The following LRRC28 variants were observed in gnomAD, a reference collection of about 807,000 sequenced individuals.
The protein encoded by LRRC28 is leucine-rich repeat-containing protein 28.
LRRC28 carries 39 observed loss-of-function variants against 45.7 expected under a neutral mutation model. The observed-to-expected ratio is 0.85, with a 90% CI of 0.66 to 1.12. The LOEUF (loss-of-function observed/expected upper bound fraction) is 1.12. LRRC28 is among the 50% of genes most tolerant of loss of function. LRRC28 has a pLI of 0.00. For missense variants in LRRC28, 435 were observed against 438.5 expected (o/e 0.99, Z 0.07); for synonymous variants, 206 against 178.8 (o/e 1.15, Z -1.22).
At chr15:99,311,065 A>G (rs946380408) in intron 5 of LRRC28, among the ~76,000 whole-genome samples, 3 of 152,174 alleles carry the variant, frequency 2.0e-5, no homozygotes, top group Non-Finnish European at 2.9e-5. Flanking sequence ...GTCTGCACAC[A>G]TGCCATTTCA....
intron 9 of LRRC28, among the ~76,000 whole-genome samples, chr15:99,382,977 G>A (rs116558301): frequency 1.4e-3 from 207 of 151,898 alleles, no homozygotes; most frequent in African/African-American, 4.1e-3. Flanking sequence ...GATAATTCAC[G>A]TATCATACAA....
At chr15:99,340,385 G>C (rs899974091) in intron 6 of LRRC28, among the ~76,000 whole-genome samples, 2 of 152,188 alleles carry the variant, frequency 1.3e-5, no homozygotes, top group Non-Finnish European at 2.9e-5. Flanking sequence ...ATTGCCTCTT[G>C]TTCCTACTTT....
rs561950078 is a variant in LRRC28 at position 99,378,697 on chromosome 15, A to G, written c.1032-7333A>G. ...GGGTTTGTCATAAATAGCTCTTATT[A>G]TTTTGAGATACATCCCATCAATACC... On this transcript the variant is annotated intron_variant, in intron 9 of 9. Coordinates refer to ENST00000301981, the MANE Select transcript of LRRC28 (RefSeq NM_144598.5). Among the ~76,000 whole-genome samples the G allele has an allele frequency of 9.6e-4, 146 of 152,232 alleles. 2 individuals carry two copies. The highest frequency in any genetic ancestry group is 3.5e-3 in the African/African-American group (144 of 41,544).
chr15:99,304,967 A>G (rs575491547), intron 5 of LRRC28, among the ~76,000 whole-genome samples: 63 of 152,232 alleles, frequency 4.1e-4, no homozygotes, highest in Admixed American at 9.8e-4. Context: ...CCTCTTTTCA[A>G]CAATATAGGG....
Position 99,386,198 on chromosome 15 carries a change from G to T in LRRC28, c.*96G>T. 1 of 959,466 alleles carries T rather than the reference G, an allele frequency of 1.0e-6. No individual in the cohort carries two copies. Among genetic ancestry groups the T allele is most frequent in the Non-Finnish European group, 1.7e-6 (1 of 590,074 alleles). The allele number at this position is 959,466 out of a possible 1,614,324, so 59.4% of individuals were successfully genotyped here. A position where few individuals can be genotyped will look rare whatever the true frequency, so the allele number is the denominator to read the frequency against. On this transcript the variant is annotated 3_prime_UTR_variant, in exon 10 of 10. Transcript: ENST00000301981. ...CCATCCTGTCCTGTCCAATGCGGGG[G>T]CACTGCAGAACTCTCTAGAAATGTC...
intron 5 of LRRC28, among the ~76,000 whole-genome samples, chr15:99,325,817 C>T (rs1236174569): frequency 3.9e-5 from 6 of 152,054 alleles, no homozygotes; most frequent in South Asian, 4.1e-4. Context: ...GCTAGTAAGA[C>T]GGTGTTAGAG....
chr15:99,376,084 C>T (rs1488592242), intron 9 of LRRC28, among the ~76,000 whole-genome samples: 4 of 152,034 alleles, frequency 2.6e-5, no homozygotes, highest in Non-Finnish European at 5.9e-5. Context: ...GTAATGTAAG[C>T]ATTTAGTACT....
At chr15:99,383,827 C>T (rs1367731614) in intron 9 of LRRC28, among the ~76,000 whole-genome samples, 3 of 152,154 alleles carry the variant, frequency 2.0e-5, no homozygotes, top group Non-Finnish European at 4.4e-5. Flanking sequence ...TTTATCCTCC[C>T]TCTAGAATCT....
At chr15:99,378,766 T>C (rs1159833305) in intron 9 of LRRC28, among the ~76,000 whole-genome samples, 198 of 152,348 alleles carry the variant, frequency 1.3e-3, no homozygotes, top group African/African-American at 3.9e-3. Context: ...TTGACTTTTG[T>C]TGAAGGCCTT....
chr15:99,318,303 A>C (rs1217876603), intron 5 of LRRC28, among the ~76,000 whole-genome samples: 1 of 152,106 alleles, frequency 6.6e-6, no homozygotes, highest in African/African-American at 2.4e-5. Context: ...CACAGATTTC[A>C]GTGTGATAAT....
intron 2 of LRRC28, among the ~76,000 whole-genome samples, chr15:99,270,585 A>G (rs1337388205): frequency 6.6e-6 from 1 of 152,212 alleles, no homozygotes; most frequent in African/African-American, 2.4e-5. Context: ...GGTTTATCCA[A>G]GTTTTAGCAT....
At chr15:99,339,778 C>T (rs1956446037) in intron 6 of LRRC28, among the ~76,000 whole-genome samples, 1 of 151,366 alleles carries the variant, frequency 6.6e-6, no homozygotes, top group African/African-American at 2.4e-5. Flanking sequence ...TTGAGATTTA[C>T]AGAATAGCTT....
At chr15:99,385,913 A>G (rs532160318) in intron 9 of LRRC28, 117 bp from the exon 10 acceptor site, 1 of 834,860 alleles carries the variant, frequency 1.2e-6, no homozygotes, top group African/African-American at 1.7e-5. Flanking sequence ...TCTATTATGC[A>G]GTTTGTTGAC....
intron 1 of LRRC28, among the ~76,000 whole-genome samples, chr15:99,253,235 C>T (rs548079092): frequency 2.4e-4 from 37 of 152,162 alleles, no homozygotes; most frequent in African/African-American, 8.2e-4. Context: ...ATTCTCCTGC[C>T]TCAGTCTCCC....
chr15:99,262,847 G>C (rs558806277), intron 2 of LRRC28, among the ~76,000 whole-genome samples: 1 of 151,322 alleles, frequency 6.6e-6, no homozygotes, highest in Non-Finnish European at 1.5e-5. Flanking sequence ...ATGGGGTCTT[G>C]CTGTGTTGCC....
At chr15:99,289,407 G>C (rs972194734) in intron 5 of LRRC28, among the ~76,000 whole-genome samples, 1 of 152,106 alleles carries the variant, frequency 6.6e-6, no homozygotes, top group African/African-American at 2.4e-5. Context: ...CAGCCTTTTA[G>C]TGTATCTAAG....
rs143012070 is a variant in LRRC28 at position 99,269,467 on chromosome 15, G to A, written c.169-7109G>A. Among the ~76,000 whole-genome samples the A allele has an allele frequency of 3.2e-3, 488 of 151,774 alleles. 1 individual carries two copies. Among genetic ancestry groups the A allele is most frequent in the Non-Finnish European group, 5.4e-3 (367 of 67,944 alleles). On this transcript the variant is annotated intron_variant, in intron 2 of 9. Transcript: ENST00000301981. ...CACCCAGGCTGGAGTGCAGTGGCACGAACTCAGCTTACTGCAACCTCTGCC... is the reference window on the plus strand; with the variant it reads ...CACCCAGGCTGGAGTGCAGTGGCACAAACTCAGCTTACTGCAACCTCTGCC...
intron 5 of LRRC28, among the ~76,000 whole-genome samples, chr15:99,296,904 C>A (rs1052644011): frequency 6.6e-6 from 1 of 152,148 alleles, no homozygotes; most frequent in African/African-American, 2.4e-5. Context: ...TAGTGATTAT[C>A]TTGGTACACA....
chr15:99,363,662 GTA>G (rs1465700904), intron 9 of LRRC28, among the ~76,000 whole-genome samples: 1 of 152,206 alleles, frequency 6.6e-6, no homozygotes, highest in Non-Finnish European at 1.5e-5. Flanking sequence ...TGAGTTCTCT[GTA>G]TGTGTGTGTG....
Sources: gnomAD v4.1 joint callset for allele counts (sites outside exome capture counted in the v4.1 genomes callset) on GRCh38, gnomAD v4.1.1 for gene constraint, MANE v1.5 for transcripts, NCBI Gene and HGNC (gene_info 2026-07-23, HGNC 2026-07-21) for gene names.